The following HVCN1 variants were observed in gnomAD, a reference collection of about 807,000 sequenced individuals.
HVCN1 encodes the protein voltage-gated hydrogen channel 1.
Under a neutral mutation model 29.2 loss-of-function variants are expected in HVCN1, and 14 were observed. That is an observed-to-expected ratio of 0.48 (90% CI 0.32 to 0.75). The LOEUF (loss-of-function observed/expected upper bound fraction) is 0.75. Ranked by LOEUF, HVCN1 falls within the 30% of genes least tolerant of loss-of-function variation. The probability of loss-of-function intolerance (pLI) is 0.04; values close to 1 mark genes in which losing one functional copy is unlikely to be tolerated. For synonymous variants in HVCN1, 131 were observed against 133.2 expected (o/e 0.98, Z 0.11); for missense variants, 263 against 341.8 (o/e 0.77, Z 1.82).
intron 3 of HVCN1, among the ~76,000 whole-genome samples, chr12:110,664,320 G>C (rs777290001): frequency 2.6e-5 from 4 of 152,144 alleles, no homozygotes; most frequent in Non-Finnish European, 5.9e-5. Flanking sequence ...AAGCAACAAT[G>C]AATCTAGCAA....
chr12:110,672,958 T>C (rs61942632), intron 3 of HVCN1, among the ~76,000 whole-genome samples: 25,950 of 152,194 alleles, frequency 0.17, 2,985 homozygotes, highest in Admixed American at 0.28. Context: ...GTGTGAAAAC[T>C]AATACAGTAA....
intron 3 of HVCN1, 63 bp downstream of exon 3, chr12:110,683,162 A>G: frequency 3.7e-6 from 6 of 1,611,916 alleles, no homozygotes; most frequent in Non-Finnish European, 5.1e-6. Flanking sequence ...TGAAACACCA[A>G]ACAGAATTAT....
intron 2 of HVCN1, 153 bp from the exon 3 acceptor site, chr12:110,683,417 G>T: frequency 1.2e-6 from 1 of 830,234 alleles, no homozygotes; most frequent in Non-Finnish European, 1.8e-6. Flanking sequence ...TATGTAGGAG[G>T]GCATACATCC....
At chr12:110,695,433 G>C (rs1360964232) in intron 2 of HVCN1, among the ~76,000 whole-genome samples, 1 of 151,916 alleles carries the variant, frequency 6.6e-6, no homozygotes, top group Non-Finnish European at 1.5e-5. Flanking sequence ...GTGCATGCCT[G>C]TATTCCCAGC....
intron 5 of HVCN1, 43 bp downstream of exon 5, chr12:110,655,191 C>G: frequency 6.7e-7 from 1 of 1,484,846 alleles, no homozygotes; most frequent in Non-Finnish European, 9.4e-7. Context: ...ATAACACAAG[C>G]AAAACATATC....
intron 3 of HVCN1, among the ~76,000 whole-genome samples, chr12:110,673,078 A>C (rs1162001305): frequency 3.3e-5 from 5 of 152,236 alleles, no homozygotes; most frequent in Admixed American, 2.0e-4. Context: ...GCTCAGAAGA[A>C]GACAGGGAAG....
chr12:110,677,649 C>T (rs2068791821), intron 3 of HVCN1, among the ~76,000 whole-genome samples: 1 of 152,230 alleles, frequency 6.6e-6, no homozygotes, highest in Non-Finnish European at 1.5e-5. Flanking sequence ...CCCAGCACTT[C>T]TCCCTTCCTG....
Position 110,680,831 on chromosome 12 carries a change from G to A in HVCN1, c.21+2394C>T, listed in dbSNP as rs186374082. The stretch of plus-strand genomic sequence containing the variant: ...TGTAATTCCAGTTACTAGGGTGGCT[G>A]AGGCCCAAGAACCATTTGAACCCAG... On this transcript the variant is annotated intron_variant, in intron 3 of 7. Coordinates refer to ENST00000242607, the MANE Select transcript of HVCN1 (RefSeq NM_032369.4). Among the ~76,000 whole-genome samples, 317 of 152,250 alleles carry A rather than the reference G, an allele frequency of 2.1e-3. 3 individuals are homozygous for A. Among genetic ancestry groups the A allele is most frequent in the African/African-American group, 7.4e-3 (309 of 41,550 alleles).
At chr12:110,683,416 G>T in intron 2 of HVCN1, 152 bp from the exon 3 acceptor site, 1 of 841,560 alleles carries the variant, frequency 1.2e-6, no homozygotes, top group Non-Finnish European at 1.7e-6. Context: ...ATATGTAGGA[G>T]GGCATACATC....
At chr12:110,687,539 A>T (rs1378072699) in intron 2 of HVCN1, among the ~76,000 whole-genome samples, 6 of 152,004 alleles carry the variant, frequency 3.9e-5, no homozygotes, top group Non-Finnish European at 7.4e-5. Flanking sequence ...GAGAATAATC[A>T]CACAGGGCCT....
chr12:110,693,088 A>G (rs2069437641), upstream of HVCN1, among the ~76,000 whole-genome samples: 1 of 152,026 alleles, frequency 6.6e-6, no homozygotes, highest in African/African-American at 2.4e-5. Context: ...TTTGTTTCCC[A>G]GGCTGGTCTC....
At chr12:110,692,545 C>T (rs1436249142), upstream of HVCN1, among the ~76,000 whole-genome samples, 1 of 151,754 alleles carries the variant, frequency 6.6e-6, no homozygotes, top group Non-Finnish European at 1.5e-5. Flanking sequence ...CAGAACAGTA[C>T]CCCATTTCTA....
At chr12:110,695,556 G>A (rs1481767531) in intron 2 of HVCN1, among the ~76,000 whole-genome samples, 1 of 152,038 alleles carries the variant, frequency 6.6e-6, no homozygotes, top group Non-Finnish European at 1.5e-5. Context: ...ACCCTGTCTT[G>A]AAAACAATGA....
intron 2 of HVCN1, among the ~76,000 whole-genome samples, chr12:110,698,364 T>C (rs1266442616): frequency 6.6e-6 from 1 of 152,136 alleles, no homozygotes; most frequent in Non-Finnish European, 1.5e-5. Flanking sequence ...ACACTAGAAA[T>C]ATGCTCTAAC....
chr12:110,661,307 C>G lies in HVCN1; in HGVS notation c.163G>C (p.Glu55Gln), dbSNP rs755674445. The change falls in exon 4 of 8, where the codon GAG becomes CAG. Residue 55 changes from glutamate (E) to glutamine (Q), a missense_variant. This residue lies in a region of HVCN1 where 157 missense variants were observed against 181.3 expected (regional missense o/e 0.87). Transcript: ENST00000242607. The surrounding 1 kb of genome is among the most constrained non-coding windows in gnomAD (Gnocchi z 6.2). ...WENEEEEEEEEQPPPTPVSGE... is the reference protein window; with the variant it reads ...WENEEEEEEEQQPPPTPVSGE... ...GAGACTGGTGTGGGTGGTGGCTGCT[C>G]CTCCTCCTCCTCCTCCTCTTCATTC... The G allele has an allele frequency of 1.3e-6, 2 of 1,596,866 alleles. No homozygotes were observed. Among genetic ancestry groups the G allele is most frequent in the Admixed American group, 1.7e-5 (1 of 59,812 alleles).
intron 3 of HVCN1, among the ~76,000 whole-genome samples, chr12:110,679,970 G>A (rs2068899704): frequency 6.6e-6 from 1 of 152,036 alleles, no homozygotes; most frequent in South Asian, 2.1e-4. Context: ...AGCCAGGTCT[G>A]CACCATGGCT....
At chr12:110,691,094 G>A (rs1351426477), upstream of HVCN1, among the ~76,000 whole-genome samples, 1 of 149,992 alleles carries the variant, frequency 6.7e-6, no homozygotes, top group African/African-American at 2.5e-5. Context: ...GTGGAGTCGC[G>A]CTCTGTCACC....
Position 110,651,260 on chromosome 12 carries a change from C to T in HVCN1, c.600G>A (p.Leu200=), listed in dbSNP as rs2067805428. Residue 200 remains leucine, a synonymous_variant, in exon 6 of 8, where the codon CTG becomes CTA. Transcript: ENST00000242607. ...FQEHQFEALG[L]LILLRLWRVA... ...CCCGCCACAGCCGGAGCAGAATCAG[C>T]AGGCCCAGAGCCTCAAACTGGTGCT... 2 of 1,613,902 alleles carry T rather than the reference C, an allele frequency of 1.2e-6. No individual in the cohort carries two copies. Among genetic ancestry groups the T allele is most frequent in the Admixed American group, 1.7e-5 (1 of 59,990 alleles).
chr12:110,655,322 A>G lies in HVCN1; in HGVS notation c.323T>C (p.Leu108Ser), dbSNP rs1442524335. 1.2e-6 allele frequency: 2 copies of G among 1,613,824 alleles called. No individual in the cohort carries two copies. The highest frequency in any genetic ancestry group is 2.7e-5 in the African/African-American group (2 of 75,012). ...SHRFQVIIIC[L>S]VVLDALLVLA... ...CACCAGGAGGGCATCCAGAACCACCAAGCAGATGATGATGACCTGTGGGCC... is the reference window on the plus strand; with the variant it reads ...CACCAGGAGGGCATCCAGAACCACCGAGCAGATGATGATGACCTGTGGGCC... Residue 108 changes from leucine (L) to serine (S), a missense_variant, in exon 5 of 8, where the codon TTG becomes TCG. By Grantham distance (145) the Leu-to-Ser change is moderately radical. Transcript: ENST00000242607.
Sources: gnomAD v4.1 joint callset for allele counts (sites outside exome capture counted in the v4.1 genomes callset) on GRCh38, gnomAD v4.1.1 for gene constraint, gnomAD v4.1.1 regional missense constraint, Gnocchi (gnomAD v3.1) non-coding constraint, MANE v1.5 for transcripts, NCBI Gene and HGNC (gene_info 2026-07-23, HGNC 2026-07-21) for gene names.